The following SUSD5 variants were observed in gnomAD, a reference collection of about 807,000 sequenced individuals.
SUSD5 encodes sushi domain containing 5, also known as sushi domain-containing protein 5.
A neutral mutation model predicts 29.5 loss-of-function variants in SUSD5; 33 were observed. The observed-to-expected ratio is 1.12, with a 90% CI of 0.85 to 1.49. The LOEUF (loss-of-function observed/expected upper bound fraction) is 1.49, where lower values mean the gene tolerates loss of function less well. Among genes scored for constraint, SUSD5 ranks in the 40% most tolerant of loss-of-function variants. SUSD5 has a pLI of 0.00. For synonymous variants in SUSD5, 308 were observed against 325.3 expected (o/e 0.95, Z 0.57); for missense variants, 776 against 800.6 (o/e 0.97, Z 0.37).
intron 3 of SUSD5, among the ~76,000 whole-genome samples, chr3:33,197,297 T>C (rs1195862453): frequency 6.6e-6 from 1 of 152,120 alleles, no homozygotes; most frequent in African/African-American, 2.4e-5. Context: ...TGTTCTTCAG[T>C]TTCCTCATCT....
chr3:33,207,823 A>G lies in SUSD5; in HGVS notation c.394T>C (p.Cys132Arg). The change falls in exon 3 of 5, where the codon TGT (cysteine) becomes CGT (arginine). Residue 132 changes from cysteine to arginine, a missense_variant. By Grantham distance (180) the Cys-to-Arg change is radical. Coordinates refer to ENST00000309558, the MANE Select transcript of SUSD5 (RefSeq NM_015551.2). Reference protein sequence around the residue: ...PVPGGTYSALCIKDEEKPCGD... With the variant: ...PVPGGTYSALRIKDEEKPCGD... ...TGGCACTGACCTTCATCCTTAATACAAAGGGCACTGTATGTGCCACCAGGA... is the reference window on the plus strand; with the variant it reads ...TGGCACTGACCTTCATCCTTAATACGAAGGGCACTGTATGTGCCACCAGGA... 1 of 1,611,458 alleles carries G rather than the reference A, an allele frequency of 6.2e-7. No individual in the cohort carries two copies. Among genetic ancestry groups the G allele is most frequent in the Non-Finnish European group, 8.5e-7 (1 of 1,177,758 alleles).
intron 3 of SUSD5, among the ~76,000 whole-genome samples, chr3:33,187,120 T>A (rs1426746957): frequency 3.3e-5 from 5 of 152,168 alleles, no homozygotes; most frequent in Admixed American, 3.3e-4. Flanking sequence ...GATGCCCCAC[T>A]GTTTTCTTCC....
intron 3 of SUSD5, among the ~76,000 whole-genome samples, chr3:33,179,522 G>C (rs2031625276): frequency 6.6e-6 from 1 of 152,146 alleles, no homozygotes; most frequent in South Asian, 2.1e-4. Context: ...CCTAGATATA[G>C]GCAGAACCTC....
chr3:33,186,911 G>A (rs140026333), intron 3 of SUSD5, among the ~76,000 whole-genome samples: 239 of 152,226 alleles, frequency 1.6e-3, no homozygotes, highest in African/African-American at 5.3e-3. Flanking sequence ...ATGGCAATTC[G>A]GGACAAGCAG....
At chr3:33,201,894 C>T (rs4389431) in intron 3 of SUSD5, among the ~76,000 whole-genome samples, 31,256 of 152,126 alleles carry the variant, frequency 0.21, 4,132 homozygotes, top group East Asian at 0.44. Context: ...CTATTATCCC[C>T]TCAACTTATC....
rs2031520234 is a variant in SUSD5, at chr3:33,175,055, C to T, written c.429G>A (p.Pro143=). ...GCAGGATGGTGTGTGGGAACGAAGGCGGGTCTCCACACGGCTTCTCTGAGG... is the reference window on the plus strand; with the variant it reads ...GCAGGATGGTGTGTGGGAACGAAGGTGGGTCTCCACACGGCTTCTCTGAGG... ...IKDEEKPCGD[P]PSFPHTILQG... Residue 143 remains proline (P), a synonymous_variant, in exon 4 of 5, where the codon CCG becomes CCA. Transcript: ENST00000309558. The T allele has an allele frequency of 5.0e-6, 8 of 1,613,862 alleles. No homozygotes were observed. The highest frequency in any genetic ancestry group is 5.9e-6 in the Non-Finnish European group (7 of 1,179,888).
intron 1 of SUSD5, among the ~76,000 whole-genome samples, chr3:33,214,731 G>GA (rs2032396258): frequency 6.6e-6 from 1 of 152,058 alleles, no homozygotes; most frequent in African/African-American, 2.4e-5. Context: ...TTAATGGGGG[G>GA]ATGGGAACCT....
intron 4 of SUSD5, among the ~76,000 whole-genome samples, chr3:33,155,260 T>G (rs527795266): frequency 6.6e-6 from 1 of 152,096 alleles, no homozygotes; most frequent in African/African-American, 2.4e-5. Context: ...CATAGAAAAA[T>G]TGGCAAGATA....
At chr3:33,181,354 CTT>C (rs61087865) in intron 3 of SUSD5, among the ~76,000 whole-genome samples, 386 of 120,360 alleles carry the variant, frequency 3.2e-3, no homozygotes, top group African/African-American at 9.2e-3. Flanking sequence ...TCATTTTCAT[CTT>C]TTTTTTTTTT....
At chr3:33,207,408 C>A (rs2032242088) in intron 3 of SUSD5, among the ~76,000 whole-genome samples, 1 of 152,086 alleles carries the variant, frequency 6.6e-6, no homozygotes. Context: ...TGCCTGTGCA[C>A]ACACGAAAAA....
chr3:33,216,540 T>A (rs2032430737), intron 1 of SUSD5, among the ~76,000 whole-genome samples: 1 of 152,192 alleles, frequency 6.6e-6, no homozygotes, highest in Admixed American at 6.5e-5. Flanking sequence ...ATATGTTTCA[T>A]AAACATAGAT....
chr3:33,183,291 G>A (rs116156760), intron 3 of SUSD5, among the ~76,000 whole-genome samples: 1,908 of 152,016 alleles, frequency 0.013, 21 homozygotes, highest in Middle Eastern at 0.037. Context: ...ATTTGTTACC[G>A]TATTTTCTGT....
At chr3:33,160,484 G>C (rs1204363844) in intron 4 of SUSD5, among the ~76,000 whole-genome samples, 1 of 152,072 alleles carries the variant, frequency 6.6e-6, no homozygotes, top group Non-Finnish European at 1.5e-5. Flanking sequence ...GAGCCCAGGA[G>C]ATTGAGGCTG....
At chr3:33,187,010 T>C (rs1239036069) in intron 3 of SUSD5, among the ~76,000 whole-genome samples, 1 of 152,140 alleles carries the variant, frequency 6.6e-6, no homozygotes, top group Non-Finnish European at 1.5e-5. Flanking sequence ...ACCAAAGTCA[T>C]CCACCTCAGT....
At chr3:33,197,892 C>T (rs1171590634) in intron 3 of SUSD5, among the ~76,000 whole-genome samples, 1 of 152,046 alleles carries the variant, frequency 6.6e-6, no homozygotes, top group East Asian at 1.9e-4. Context: ...TGTGTCGCTT[C>T]CAGTTTTGGG....
chr3:33,172,462 A>G (rs1198266881), intron 4 of SUSD5, among the ~76,000 whole-genome samples: 1 of 152,212 alleles, frequency 6.6e-6, no homozygotes, highest in Non-Finnish European at 1.5e-5. Flanking sequence ...AGATGGTGCA[A>G]CTTCAGCACC....
intron 1 of SUSD5, among the ~76,000 whole-genome samples, chr3:33,218,384 A>C (rs1284153721): frequency 6.6e-6 from 1 of 152,200 alleles, no homozygotes; most frequent in Non-Finnish European, 1.5e-5. Context: ...GGCACCTTAG[A>C]GGTGATTTCA....
At position 33,150,818 on chromosome 3, in the gene SUSD5, T is replaced by A. The variant is rs931981915; in HGVS notation, c.*1924A>T. The A allele has an allele frequency of 6.6e-5, 10 of 152,184 alleles. No homozygotes were observed. The highest frequency in any genetic ancestry group is 1.5e-4 in the Non-Finnish European group (10 of 68,030). 9.4% of individuals were successfully genotyped at this position (152,184 alleles called of 1,614,324 possible). On this transcript the variant is annotated 3_prime_UTR_variant, in exon 5 of 5. Transcript: ENST00000309558. ...TAGGTAAAACACCACCAACAATTTT[T>A]CAATCATAAAAAAGATCAGGATTTC...
chr3:33,182,673 C>A (rs1427403371), intron 3 of SUSD5, among the ~76,000 whole-genome samples: 1 of 152,326 alleles, frequency 6.6e-6, no homozygotes, highest in South Asian at 2.1e-4. Flanking sequence ...TTATGTAATT[C>A]TTCTCTTTAT....
Sources: gnomAD v4.1 joint callset for allele counts (sites outside exome capture counted in the v4.1 genomes callset) on GRCh38, gnomAD v4.1.1 for gene constraint, MANE v1.5 for transcripts, NCBI Gene and HGNC (gene_info 2026-07-23, HGNC 2026-07-21) for gene names.